PROKR1: variants seen among roughly 807,000 people sequenced by gnomAD.
The protein encoded by PROKR1 is prokineticin receptor 1.
A neutral mutation model predicts 22.8 loss-of-function variants in PROKR1; 21 were observed. That is an observed-to-expected ratio of 0.92 (90% CI 0.65 to 1.32). The LOEUF (loss-of-function observed/expected upper bound fraction) is 1.32, where lower values mean the gene tolerates loss of function less well. Among genes scored for constraint, PROKR1 ranks in the 40% most tolerant of loss-of-function variants. PROKR1 has a pLI of 0.00. For missense variants in PROKR1, 548 were observed against 514.2 expected (o/e 1.07, Z -0.64); for synonymous variants, 193 against 207.5 (o/e 0.93, Z 0.60).
At chr2:68,653,143 A>G (rs541291067) in intron 2 of PROKR1, among the ~76,000 whole-genome samples, 26 of 152,350 alleles carry the variant, frequency 1.7e-4, no homozygotes, top group African/African-American at 5.1e-4. Context: ...CATCAGGAGC[A>G]CCGCGATCTT....
intron 1 of PROKR1, among the ~76,000 whole-genome samples, chr2:68,645,390 T>C (rs1361769719): frequency 6.6e-6 from 1 of 152,162 alleles, no homozygotes; most frequent in Non-Finnish European, 1.5e-5. Flanking sequence ...ACTCCCAACT[T>C]TTGTCCTTGA....
intron 2 of PROKR1, 27 bp downstream of exon 2, chr2:68,646,333 A>G: frequency 6.2e-7 from 1 of 1,613,752 alleles, no homozygotes; most frequent in South Asian, 1.1e-5. Flanking sequence ...TGGGGACAAC[A>G]AAGGCGGTCA....
Position 68,646,116 on chromosome 2 carries a change from C to T in PROKR1, c.295C>T (p.Leu99=). 6.2e-7 allele frequency: 1 copy of T among 1,612,418 alleles called. No homozygotes were observed. The highest frequency in any genetic ancestry group is 8.5e-7 in the Non-Finnish European group (1 of 1,178,782). Residue 99 remains leucine, a synonymous_variant, in exon 2 of 3, where the codon CTG becomes TTG. Transcript: ENST00000303786. Reference sequence around the variant, plus strand: ...CAAGAAACTGCGCAACCTCACCAACCTGCTCATCGCCAACCTGGCCATCTC... The same window carrying T: ...CAAGAAACTGCGCAACCTCACCAACTTGCTCATCGCCAACCTGGCCATCTC... The part of the protein sequence containing the change: ...RYKKLRNLTN[L]LIANLAISDF...
chr2:68,654,861 A>C lies in PROKR1; in HGVS notation c.486-19A>C, dbSNP rs745851440. The stretch of plus-strand genomic sequence containing the variant: ...CTTCTTTCTCACAGTGGCTGCCTCC[A>C]CTTGTGTTCTTGCCCTAGGTATCTG... On this transcript the variant is annotated intron_variant, in intron 2 of 2. Coordinates refer to ENST00000303786, the MANE Select transcript of PROKR1 (RefSeq NM_138964.4). 1 of 1,581,836 alleles carries C rather than the reference A, an allele frequency of 6.3e-7. No homozygotes were observed.
chr2:68,647,678 A>G (rs143491404), intron 2 of PROKR1, among the ~76,000 whole-genome samples: 33 of 147,966 alleles, frequency 2.2e-4, no homozygotes, highest in African/African-American at 8.8e-4. Flanking sequence ...TGAGGGGTGG[A>G]AACTCTGCCT....
Position 68,655,589 on chromosome 2 carries a change from T to G in PROKR1, c.*13T>G. 6.2e-7 allele frequency: 1 copy of G among 1,611,748 alleles called. No homozygotes were observed. Among genetic ancestry groups the G allele is most frequent in the Non-Finnish European group, 8.5e-7 (1 of 1,178,948 alleles). ...CAGACTAAAATAACCCCCTGGACTT[T>G]GCAAAGTTTAAACACAAAGCAGGGT... On this transcript the variant is annotated 3_prime_UTR_variant, in exon 3 of 3. Transcript: ENST00000303786.
rs375582560 is a variant in PROKR1, at chr2:68,655,470, T to A, written c.1076T>A (p.Leu359His). Residue 359 changes from leucine to histidine, a missense_variant, in exon 3 of 3, where the codon CTC becomes CAC. Physicochemically the swap from Leu to His is moderately conservative, Grantham distance 99. Coordinates refer to ENST00000303786, the MANE Select transcript of PROKR1 (RefSeq NM_138964.4). ...TVKYFKKIML[L>H]HWKASYNGGK... ...AAGTACTTCAAAAAGATCATGTTGC[T>A]CCACTGGAAGGCTTCTTACAATGGC... is the stretch of plus-strand genomic sequence containing the variant. 4 of 1,613,966 alleles carry A rather than the reference T, an allele frequency of 2.5e-6. No homozygotes were observed. The African/African-American group carries it at 5.3e-5, about 22-fold the overall frequency.
intron 1 of PROKR1, among the ~76,000 whole-genome samples, chr2:68,645,058 C>T (rs533761372): frequency 6.6e-6 from 1 of 152,324 alleles, no homozygotes; most frequent in African/African-American, 2.4e-5. Context: ...CTATTTACCC[C>T]TGGACACTCA....
At position 68,654,941 on chromosome 2, in the gene PROKR1, A is replaced by G; in HGVS notation, c.547A>G (p.Ile183Val). Residue 183 changes from isoleucine (I) to valine (V), a missense_variant, in exon 3 of 3, where the codon ATT becomes GTT. Ile to Val is a conservative substitution (Grantham distance 29). Transcript: ENST00000303786. The part of the protein sequence containing the change: ...RMKCQTATGL[I>V]ALVWTVSILI... ...GAAGTGCCAAACAGCCACTGGCCTG[A>G]TTGCCTTGGTGTGGACGGTGTCCAT... 1 of 1,613,566 alleles carries G rather than the reference A, an allele frequency of 6.2e-7. No individual in the cohort carries two copies. The highest frequency in any genetic ancestry group is 8.5e-7 in the Non-Finnish European group (1 of 1,179,974).
chr2:68,645,631 A>T, intron 1 of PROKR1, 31 bp from the exon 2 acceptor site: 1 of 809,042 alleles, frequency 1.2e-6, no homozygotes, highest in East Asian at 2.7e-5. Flanking sequence ...TTACTGCAAC[A>T]TATAGCCAAC....
In PROKR1 at chr2:68,646,151, G is replaced by A; in HGVS notation, c.330G>A (p.Leu110=). Residue 110 remains leucine, a synonymous_variant, in exon 2 of 3, where the codon CTG becomes CTA. Coordinates refer to ENST00000303786, the MANE Select transcript of PROKR1 (RefSeq NM_138964.4). ...LIANLAISDF[L]VAIVCCPFEM... The stretch of plus-strand genomic sequence containing the variant: ...CCAACCTGGCCATCTCTGACTTCCT[G>A]GTGGCCATTGTCTGCTGCCCCTTTG... 1 of 1,608,836 alleles carries A rather than the reference G, an allele frequency of 6.2e-7. No homozygotes were observed. Among genetic ancestry groups the A allele is most frequent in the Non-Finnish European group, 8.5e-7 (1 of 1,176,622 alleles).
chr2:68,644,910 A>G (rs755789083), intron 1 of PROKR1, among the ~76,000 whole-genome samples: 2 of 151,928 alleles, frequency 1.3e-5, no homozygotes, highest in African/African-American at 2.4e-5. Context: ...CCTTCCTTGC[A>G]GCTGACAGAG....
chr2:68,650,425 T>C (rs1471374422), intron 2 of PROKR1, among the ~76,000 whole-genome samples: 1 of 152,094 alleles, frequency 6.6e-6, no homozygotes, highest in African/African-American at 2.4e-5. Context: ...TTTTTAGAGA[T>C]GAGATCTTGC....
intron 2 of PROKR1, among the ~76,000 whole-genome samples, chr2:68,653,340 C>T (rs1280016833): frequency 6.6e-6 from 1 of 152,108 alleles, no homozygotes; most frequent in Non-Finnish European, 1.5e-5. Context: ...TGGAGCCTCA[C>T]TCCTGTGAAC....
intron 1 of PROKR1, among the ~76,000 whole-genome samples, chr2:68,644,846 C>T (rs900737298): frequency 6.6e-6 from 1 of 152,112 alleles, no homozygotes; most frequent in Non-Finnish European, 1.5e-5. Context: ...CTAGACCCCT[C>T]ACCCCAGCCC....
rs200848333 is a variant in PROKR1, at chr2:68,655,506, G to T, written c.1112G>T (p.Ser371Ile). ...GCTTCTTACAATGGCGGTAAGTCCA[G>T]TGCAGACCTGGACCTCAAGACAATT... is the stretch of plus-strand genomic sequence containing the variant. ...WKASYNGGKSSADLDLKTIGM... is the reference protein window; with the variant it reads ...WKASYNGGKSIADLDLKTIGM... Residue 371 changes from serine to isoleucine, a missense_variant, in exon 3 of 3, where the codon AGT becomes ATT. Coordinates refer to ENST00000303786, the MANE Select transcript of PROKR1 (RefSeq NM_138964.4). 6 of 1,614,126 alleles carry T rather than the reference G, an allele frequency of 3.7e-6. No homozygotes were observed. The Admixed American group carries it at 5.0e-5, about 13-fold the overall frequency.
In PROKR1 at chr2:68,645,935, C is replaced by A; in HGVS notation, c.114C>A (p.Ser38Arg). 1.2e-6 allele frequency: 2 copies of A among 1,614,244 alleles called. No individual in the cohort carries two copies. Among genetic ancestry groups the A allele is most frequent in the Non-Finnish European group, 1.7e-6 (2 of 1,180,048 alleles). Residue 38 changes from serine to arginine, a missense_variant, in exon 2 of 3, where the codon AGC (serine) becomes AGA (arginine). Coordinates refer to ENST00000303786, the MANE Select transcript of PROKR1 (RefSeq NM_138964.4). ...CCACTTCCTTCCCATTCAACTTCAG[C>A]TACAGCGACTATGATATGCCTTTGG... ...AHATSFPFNF[S>R]YSDYDMPLDE... is the part of the protein sequence containing the mutation.
In PROKR1 at chr2:68,655,642, A is replaced by T. The variant is rs1484226491; in HGVS notation, c.*66A>T. On this transcript the variant is annotated 3_prime_UTR_variant, in exon 3 of 3. Coordinates refer to ENST00000303786, the MANE Select transcript of PROKR1 (RefSeq NM_138964.4). ...TGTGGACACTGACTAGTGTGCTTGG[A>T]TGCACATCAACCTGGAACTTTTTGT... 2.0e-6 allele frequency: 3 copies of T among 1,478,978 alleles called. No individual in the cohort carries two copies. The highest frequency in any genetic ancestry group is 2.8e-6 in the Non-Finnish European group (3 of 1,072,160). 91.6% of individuals were successfully genotyped at this position (1,478,978 alleles called of 1,614,324 possible).
intron 2 of PROKR1, among the ~76,000 whole-genome samples, chr2:68,652,770 A>G (rs957430998): frequency 6.6e-6 from 1 of 152,210 alleles, no homozygotes; most frequent in African/African-American, 2.4e-5. Context: ...CCCATTTTAC[A>G]GATGAGGGAA....
Sources: allele counts gnomAD v4.1 joint callset (sites outside exome capture counted in the v4.1 genomes callset), GRCh38; gene constraint gnomAD v4.1.1; transcripts MANE v1.5; gene names NCBI Gene and HGNC (gene_info 2026-07-23, HGNC 2026-07-21).